The following CCDC85A variants were observed in gnomAD, a reference collection of about 807,000 sequenced individuals.
CCDC85A encodes coiled-coil domain-containing protein 85A.
A neutral mutation model predicts 50.2 loss-of-function variants in CCDC85A; 38 were observed. The observed-to-expected ratio is 0.76, with a 90% confidence interval of 0.58 to 0.99. The LOEUF (loss-of-function observed/expected upper bound fraction) is 0.99. Among genes scored for constraint, CCDC85A ranks in the 50% least tolerant of loss-of-function variants. The pLI is 0.00. For synonymous variants in CCDC85A, 366 were observed against 301.4 expected (o/e 1.21, Z -2.22); for missense variants, 820 against 742.0 (o/e 1.11, Z -1.22).
At chr2:56,276,259 A>G (rs1037341802) in intron 2 of CCDC85A, among the ~76,000 whole-genome samples, 10 of 121,194 alleles carry the variant, frequency 8.3e-5, no homozygotes, top group African/African-American at 3.2e-4. Flanking sequence ...CTAGAAACAT[A>G]TTTTTGAGTG....
chr2:56,342,278 G>A (rs965063994), intron 2 of CCDC85A, among the ~76,000 whole-genome samples: 1 of 151,630 alleles, frequency 6.6e-6, no homozygotes, highest in Non-Finnish European at 1.5e-5. Context: ...TGTGGAAAAC[G>A]ATTTGACTTC....
At chr2:56,291,333 TG>T (rs1341017961) in intron 2 of CCDC85A, among the ~76,000 whole-genome samples, 1 of 152,192 alleles carries the variant, frequency 6.6e-6, no homozygotes, top group African/African-American at 2.4e-5. Context: ...GGCACTGTGC[TG>T]GGCACTGGGG....
chr2:56,284,613 T>G (rs1296281502), intron 2 of CCDC85A, among the ~76,000 whole-genome samples: 1 of 152,162 alleles, frequency 6.6e-6, no homozygotes, highest in Non-Finnish European at 1.5e-5. Context: ...CCTTAAGTGA[T>G]CCACCTGCCT....
At chr2:56,187,175 C>G (rs919373313) in intron 1 of CCDC85A, among the ~76,000 whole-genome samples, 1 of 152,000 alleles carries the variant, frequency 6.6e-6, no homozygotes, top group African/African-American at 2.4e-5. Flanking sequence ...TTTGGCTTAA[C>G]TGGAAGAAAA....
chr2:56,260,206 T>G (rs1318390704), intron 2 of CCDC85A, among the ~76,000 whole-genome samples: 1 of 152,172 alleles, frequency 6.6e-6, no homozygotes, highest in Non-Finnish European at 1.5e-5. Context: ...ACCACAATAA[T>G]ATGGGAAAAT....
In CCDC85A at chr2:56,285,837, A is replaced by G. The variant is rs534041557; in HGVS notation, c.1241-57042A>G. Among the ~76,000 whole-genome samples, 479 of 151,890 alleles carry G rather than the reference A, an allele frequency of 3.2e-3. 3 individuals are homozygous for G. Among genetic ancestry groups the G allele is most frequent in the African/African-American group, 0.011 (462 of 41,414 alleles). On this transcript the variant is annotated intron_variant, in intron 2 of 5. Coordinates refer to ENST00000407595, the MANE Select transcript of CCDC85A (RefSeq NM_001080433.2). ...TTTCCAGTGTTGTTCTTTGCTTCCT[A>G]TGTGTGTTCGGCTGGTATCATTTGC...
chr2:56,262,229 G>A (rs1008206130), intron 2 of CCDC85A, among the ~76,000 whole-genome samples: 2 of 152,094 alleles, frequency 1.3e-5, no homozygotes, highest in Non-Finnish European at 2.9e-5. Context: ...CTTAATTGAG[G>A]TGTAGATAAT....
chr2:56,286,269 A>G (rs1033385580), intron 2 of CCDC85A, among the ~76,000 whole-genome samples: 3 of 152,088 alleles, frequency 2.0e-5, no homozygotes, highest in Admixed American at 6.6e-5. Flanking sequence ...TTTTCATCAT[A>G]TTGGAAAATA....
In CCDC85A at chr2:56,372,356, A is replaced by G; in HGVS notation, c.1330A>G (p.Arg444Gly). 6.3e-7 allele frequency: 1 copy of G among 1,582,060 alleles called. No individual in the cohort carries two copies. The highest frequency in any genetic ancestry group is 8.6e-7 in the Non-Finnish European group (1 of 1,163,448). Residue 444 changes from arginine to glycine, a missense_variant, in exon 4 of 6, where the codon AGA (arginine) becomes GGA (glycine). By Grantham distance (125) the Arg-to-Gly change is moderately radical (BLOSUM62 -2). Transcript: ENST00000407595. Reference sequence around the variant, plus strand: ...TTCCAAATATAAGGCCAGCCAGAATAGAAGGCAACCTCCAACTAGAAACAG... The same window carrying G: ...TTCCAAATATAAGGCCAGCCAGAATGGAAGGCAACCTCCAACTAGAAACAG... Reference protein sequence around the residue: ...NRMLPQASQNRRQPPTRNSSN... With the variant: ...NRMLPQASQNGRQPPTRNSSN...
intron 2 of CCDC85A, among the ~76,000 whole-genome samples, chr2:56,329,278 T>C (rs544694936): frequency 6.6e-6 from 1 of 152,320 alleles, no homozygotes; most frequent in South Asian, 2.1e-4. Flanking sequence ...TCCTCTCTGA[T>C]GATGTAGATC....
chr2:56,280,021 A>G (rs956926602), intron 2 of CCDC85A, among the ~76,000 whole-genome samples: 3 of 152,222 alleles, frequency 2.0e-5, no homozygotes, highest in African/African-American at 7.2e-5. Context: ...TAAGAAATTC[A>G]AAAGGAATAT....
intron 2 of CCDC85A, among the ~76,000 whole-genome samples, chr2:56,227,234 C>T (rs776144374): frequency 6.4e-4 from 97 of 152,124 alleles, no homozygotes; most frequent in Non-Finnish European, 1.3e-3. Flanking sequence ...TTTTAAAAGT[C>T]TCATTCTGTA....
chr2:56,203,969 CT>C (rs1277438175), intron 2 of CCDC85A, among the ~76,000 whole-genome samples: 2 of 152,148 alleles, frequency 1.3e-5, no homozygotes, highest in African/African-American at 2.4e-5. Context: ...TCGGGACTGG[CT>C]TTGCCACTTT....
rs944835003 is a variant in CCDC85A at position 56,350,005 on chromosome 2, GA to G, written c.1317+7058del. On this transcript the variant is annotated intron_variant, in intron 3 of 5. Coordinates refer to ENST00000407595, the MANE Select transcript of CCDC85A (RefSeq NM_001080433.2). ...GAGAAGCAATACTAAGGAATATTTGGAAAAAAAATGGAAAGGGAATTATAAG... is the reference window on the plus strand; with the variant it reads ...GAGAAGCAATACTAAGGAATATTTGGAAAAAAATGGAAAGGGAATTATAAG... Among the ~76,000 whole-genome samples the G allele has an allele frequency of 5.4e-5, 8 of 149,242 alleles. No individual in the cohort carries two copies. In the South Asian group the frequency reaches 8.4e-4, roughly 16 times the overall value.
intron 2 of CCDC85A, among the ~76,000 whole-genome samples, chr2:56,198,813 T>C (rs780247541): frequency 5.3e-5 from 8 of 152,232 alleles, no homozygotes; most frequent in Non-Finnish European, 1.2e-4. Flanking sequence ...TATATATGTG[T>C]ATACATATGT....
chr2:56,220,541 G>C (rs535453956), intron 2 of CCDC85A, among the ~76,000 whole-genome samples: 1 of 152,052 alleles, frequency 6.6e-6, no homozygotes, highest in Non-Finnish European at 1.5e-5. Context: ...CACAGACAGG[G>C]AGTGGTTCTT....
intron 2 of CCDC85A, among the ~76,000 whole-genome samples, chr2:56,284,940 G>A (rs535124682): frequency 1.3e-5 from 2 of 151,926 alleles, no homozygotes; most frequent in African/African-American, 4.8e-5. Context: ...CAGATTATTT[G>A]CATGGTATAT....
intron 1 of CCDC85A, among the ~76,000 whole-genome samples, chr2:56,190,818 G>A (rs1676261308): frequency 6.6e-6 from 1 of 152,046 alleles, no homozygotes; most frequent in East Asian, 1.9e-4. Context: ...ACTTTATCCT[G>A]ACCCTCCCTT....
chr2:56,302,950 C>T (rs1258869876), intron 2 of CCDC85A, among the ~76,000 whole-genome samples: 1 of 152,028 alleles, frequency 6.6e-6, no homozygotes, highest in African/African-American at 2.4e-5. Flanking sequence ...CTGTGAAAAC[C>T]AAGTGGGGGG....
Sources: allele counts gnomAD v4.1 joint callset (sites outside exome capture counted in the v4.1 genomes callset), GRCh38; gene constraint gnomAD v4.1.1; transcripts MANE v1.5; gene names NCBI Gene and HGNC (gene_info 2026-07-23, HGNC 2026-07-21).